Variants in DDX43 observed in about 807,000 individuals in gnomAD.
DDX43 encodes DEAD-box helicase 43.
Under a neutral mutation model 84.9 loss-of-function variants are expected in DDX43, and 50 were observed. The ratio of observed to expected loss-of-function variants is 0.59; its 90% CI spans 0.47 to 0.75. The LOEUF is 0.75. Ranked by LOEUF, DDX43 falls within the 30% of genes least tolerant of loss-of-function variation. The pLI, the probability that DDX43 is intolerant of heterozygous loss-of-function variation, is 0.00. For synonymous variants in DDX43, 291 were observed against 266.3 expected (o/e 1.09, Z -0.90); for missense variants, 689 against 798.6 (o/e 0.86, Z 1.65).
At chr6:73,407,436 A>G in intron 7 of DDX43, 69 bp from the exon 8 acceptor site, 1 of 1,085,306 alleles carries the variant, frequency 9.2e-7, no homozygotes. Context: ...ACAAATCTTG[A>G]TGGTACTGAA....
At position 73,413,633 on chromosome 6, in the gene DDX43, G is replaced by A. The variant is rs745667561; in HGVS notation, c.1369-25G>A. 7.5e-6 allele frequency: 12 copies of A among 1,607,268 alleles called. No individual in the cohort carries two copies. The South Asian group carries it at 7.8e-5, about 10-fold the overall frequency. Reference sequence around the variant, plus strand: ...CACCCTCAATCATGATGACCTTGATGAACTATGTTCTTTGAATCCTTTAGG... The same window carrying A: ...CACCCTCAATCATGATGACCTTGATAAACTATGTTCTTTGAATCCTTTAGG... On this transcript the variant is annotated intron_variant, in intron 11 of 16. Transcript: ENST00000370336.
intron 9 of DDX43, 42 bp from the exon 10 acceptor site, chr6:73,409,206 C>A: frequency 7.0e-7 from 1 of 1,438,002 alleles, no homozygotes; most frequent in Non-Finnish European, 9.8e-7. Flanking sequence ...TATTACCTGC[C>A]TCCCATATCT....
In DDX43 at chr6:73,400,258, T is replaced by G. The variant is rs1387532345; in HGVS notation, c.331T>G (p.Leu111Val). ...IQIIQEQPES[L>V]VKIFGSKAMQ... ...GATAATACAAGAACAACCAGAATCATTAGTCAAAATTTTTGGCAGCAAGGC... is the reference window on the plus strand; with the variant it reads ...GATAATACAAGAACAACCAGAATCAGTAGTCAAAATTTTTGGCAGCAAGGC... Residue 111 changes from leucine (L) to valine (V), a missense_variant, in exon 3 of 17, where the codon TTA becomes GTA. Physicochemically the swap from Leu to Val is conservative, Grantham distance 32. Coordinates refer to ENST00000370336, the MANE Select transcript of DDX43 (RefSeq NM_018665.3). The G allele has an allele frequency of 6.2e-7, 1 of 1,605,670 alleles. No homozygotes were observed. The highest frequency in any genetic ancestry group is 1.7e-5 in the Admixed American group (1 of 58,208).
chr6:73,412,638 AGTGTGTGTGTGTGTGT>A (rs66577187), intron 11 of DDX43, among the ~76,000 whole-genome samples: 1 of 59,634 alleles, frequency 1.7e-5, no homozygotes, highest in African/African-American at 5.5e-5. Context: ...ATATATATAT[AGTGTGTGTGTGTGTGT>A]GTGTGTGTGT....
chr6:73,414,478 A>T, intron 13 of DDX43, 70 bp from the exon 14 acceptor site: 1 of 1,248,422 alleles, frequency 8.0e-7, no homozygotes, highest in African/African-American at 1.5e-5. Context: ...AGTTAGGGCA[A>T]ATATTATTTT....
intron 2 of DDX43, among the ~76,000 whole-genome samples, chr6:73,398,664 C>G (rs934313009): frequency 6.6e-6 from 1 of 152,200 alleles, no homozygotes. Context: ...GAATATTCAT[C>G]ATGTCCAAAA....
chr6:73,405,453 C>T (rs954985171), intron 5 of DDX43, among the ~76,000 whole-genome samples: 6 of 152,156 alleles, frequency 3.9e-5, no homozygotes, highest in Non-Finnish European at 1.5e-5. Context: ...CATTCATTGA[C>T]CTACTAATGT....
chr6:73,406,734 T>C (rs1769692269), intron 7 of DDX43, among the ~76,000 whole-genome samples: 1 of 152,228 alleles, frequency 6.6e-6, no homozygotes, highest in South Asian at 2.1e-4. Flanking sequence ...CTATGTCCAA[T>C]ACACTTATCT....
intron 10 of DDX43, among the ~76,000 whole-genome samples, chr6:73,410,925 G>T (rs1769773041): frequency 6.6e-6 from 1 of 151,450 alleles, no homozygotes; most frequent in South Asian, 2.1e-4. Flanking sequence ...CGTGGCTCAC[G>T]CCTGTAATCC....
intron 4 of DDX43, 75 bp downstream of exon 4, chr6:73,402,065 G>A: frequency 1.3e-6 from 2 of 1,555,338 alleles, no homozygotes; most frequent in East Asian, 2.3e-5. Context: ...CAATGTCTGT[G>A]CTTTATTTTT....
chr6:73,395,627 A>T (rs994705172), intron 1 of DDX43, among the ~76,000 whole-genome samples: 13 of 151,980 alleles, frequency 8.6e-5, no homozygotes, highest in African/African-American at 3.1e-4. Flanking sequence ...TAAAAAAAAA[A>T]AAAAAAAGTA....
chr6:73,404,321 G>A (rs1051176125), intron 4 of DDX43, among the ~76,000 whole-genome samples: 1 of 152,120 alleles, frequency 6.6e-6, no homozygotes, highest in Non-Finnish European at 1.5e-5. Flanking sequence ...TCAAACTCCT[G>A]ACCTCAGGTG....
intron 3 of DDX43, among the ~76,000 whole-genome samples, chr6:73,400,748 T>C (rs1479446866): frequency 1.3e-5 from 2 of 152,200 alleles, no homozygotes; most frequent in East Asian, 3.8e-4. Context: ...TGTCTTCAGA[T>C]TCATGGCTGA....
At chr6:73,413,375 C>T (rs62440609) in intron 11 of DDX43, 26,931 of 199,500 alleles carry the variant, frequency 0.13, 2,276 homozygotes, top group Non-Finnish European at 0.18. Context: ...CCAGCCCTGG[C>T]GACAGAGTGA....
intron 11 of DDX43, 109 bp downstream of exon 11, chr6:73,412,401 C>G (rs376638025): frequency 4.0e-6 from 3 of 757,624 alleles, no homozygotes; most frequent in Non-Finnish European, 6.6e-6. Context: ...GCAAATCACA[C>G]TTGCATATAG....
intron 7 of DDX43, among the ~76,000 whole-genome samples, chr6:73,406,801 A>C (rs979912448): frequency 3.3e-5 from 5 of 152,210 alleles, no homozygotes; most frequent in African/African-American, 1.2e-4. Flanking sequence ...ATCTTAAACA[A>C]AAGGCTGGTA....
In DDX43 at chr6:73,417,393, G is replaced by A. The variant is rs1034506094; in HGVS notation, c.*232G>A. 1 of 152,120 alleles carries A rather than the reference G, an allele frequency of 6.6e-6. No individual in the cohort carries two copies. Among genetic ancestry groups the A allele is most frequent in the African/African-American group, 2.4e-5 (1 of 41,428 alleles). The allele number at this position is 152,120 out of a possible 1,614,324, so 9.4% of individuals were successfully genotyped here. ...TTATTAAGGAGTGTAGCATTAGAAT[G>A]TTTTTCTTTTAATCTTTTAAACTGT... On this transcript the variant is annotated 3_prime_UTR_variant, in exon 17 of 17. Transcript: ENST00000370336.
intron 4 of DDX43, among the ~76,000 whole-genome samples, chr6:73,403,744 G>A (rs1280040856): frequency 6.6e-6 from 1 of 151,922 alleles, no homozygotes; most frequent in African/African-American, 2.4e-5. Flanking sequence ...CCATCTCCCA[G>A]GCTCAAGTGA....
chr6:73,396,033 G>A (rs575606208), intron 1 of DDX43, among the ~76,000 whole-genome samples: 1 of 151,232 alleles, frequency 6.6e-6, no homozygotes, highest in Non-Finnish European at 1.5e-5. Context: ...CGTGATCTCG[G>A]CTCACTACAA....
Sources: gnomAD v4.1 joint callset for allele counts (sites outside exome capture counted in the v4.1 genomes callset) on GRCh38, gnomAD v4.1.1 for gene constraint, MANE v1.5 for transcripts, NCBI Gene and HGNC (gene_info 2026-07-23, HGNC 2026-07-21) for gene names.